The following RTL4 variants were observed in gnomAD, a reference collection of about 807,000 sequenced individuals.
RTL4 encodes the protein retrotransposon Gag-like protein 4.
A neutral mutation model predicts 5.3 loss-of-function variants in RTL4; 4 were observed. The observed-to-expected ratio is 0.75, with a 90% CI of 0.37 to 1.72. RTL4 has a LOEUF of 1.72. RTL4 is among the 40% of genes most tolerant of loss of function. The pLI is 0.04. For synonymous variants in RTL4, 98 were observed against 87.3 expected, an observed-to-expected ratio of 1.12 and a Z score of -0.68; for missense variants, 260 against 227.1, an observed-to-expected ratio of 1.14 and a Z score of -0.93.
chrX:112,289,549 G>A, the RTL4 span, among the ~76,000 whole-genome samples: 2 of 112,092 alleles, frequency 1.8e-5, no homozygotes, highest in South Asian at 7.5e-4. Flanking sequence ...ATGACCTTGG[G>A]CATGTGTATT....
chrX:112,306,333 T>A, the RTL4 span, among the ~76,000 whole-genome samples: 2 of 111,828 alleles, frequency 1.8e-5, no homozygotes, highest in Admixed American at 1.9e-4. Context: ...GTGTGACAAT[T>A]GAGTAACTGG....
At chrX:112,402,104 C>G in the RTL4 span, among the ~76,000 whole-genome samples, 1 of 112,077 alleles carries the variant, frequency 8.9e-6, no homozygotes, top group South Asian at 3.7e-4. Context: ...TCAAGCCTCT[C>G]TTCTTCCATG....
At chrX:112,176,755 T>C in the RTL4 span, among the ~76,000 whole-genome samples, 2 of 111,335 alleles carry the variant, frequency 1.8e-5, no homozygotes, top group Non-Finnish European at 3.8e-5. Context: ...ATTGTACTAT[T>C]GAATACTAAT....
At chrX:112,353,003 C>G in the RTL4 span, among the ~76,000 whole-genome samples, 1 of 111,587 alleles carries the variant, frequency 9.0e-6, no homozygotes, top group African/African-American at 3.3e-5. Context: ...ACAAACAACC[C>G]CATCAAAAAG....
upstream of RTL4, among the ~76,000 whole-genome samples, chrX:112,449,965 G>C (rs1926707059): frequency 8.9e-6 from 1 of 111,967 alleles, no homozygotes; most frequent in South Asian, 3.7e-4. Flanking sequence ...TTGCCCTTCT[G>C]GTCACCCCTT....
the RTL4 span, among the ~76,000 whole-genome samples, chrX:112,111,513 A>C: frequency 8.9e-6 from 1 of 112,725 alleles, no homozygotes; most frequent in African/African-American, 3.2e-5. Flanking sequence ...TGTGGTATTT[A>C]AAGGGGGTTC....
chrX:112,114,549 T>C, the RTL4 span, among the ~76,000 whole-genome samples: 312 of 111,947 alleles, frequency 2.8e-3, 1 homozygote, highest in African/African-American at 8.4e-3. Flanking sequence ...AGGTCTACCC[T>C]GATCTGCTTT....
At chrX:112,422,051 A>C in the RTL4 span, among the ~76,000 whole-genome samples, 3 of 112,322 alleles carry the variant, frequency 2.7e-5, no homozygotes, top group Non-Finnish European at 5.6e-5. Flanking sequence ...TTTGGTAATA[A>C]TATTTTAATA....
At chrX:112,346,825 C>T in the RTL4 span, among the ~76,000 whole-genome samples, 7 of 111,385 alleles carry the variant, frequency 6.3e-5, no homozygotes, top group Non-Finnish European at 1.1e-4. Context: ...GCATGAGAAC[C>T]TATACAAATA....
the RTL4 span, among the ~76,000 whole-genome samples, chrX:112,392,070 C>T: frequency 9.0e-6 from 1 of 111,683 alleles, no homozygotes; most frequent in Non-Finnish European, 1.9e-5. Flanking sequence ...CTTGGGTTGA[C>T]AGTAGCTCGT....
chrX:112,395,782 C>T, the RTL4 span, among the ~76,000 whole-genome samples: 1 of 111,218 alleles, frequency 9.0e-6, no homozygotes, highest in South Asian at 3.8e-4. Flanking sequence ...TTATATTGAG[C>T]CTCTTGGCTG....
the RTL4 span, among the ~76,000 whole-genome samples, chrX:112,350,571 A>G: frequency 9.0e-6 from 1 of 111,489 alleles, no homozygotes; most frequent in South Asian, 3.8e-4. Context: ...AGAGAGATTC[A>G]ACTTCTTCCT....
the RTL4 span, among the ~76,000 whole-genome samples, chrX:112,444,639 A>G: frequency 4.5e-5 from 5 of 111,685 alleles, no homozygotes; most frequent in Admixed American, 3.8e-4. Flanking sequence ...TCAGCAGTAA[A>G]GTCATTGAGT....
At chrX:112,328,331 A>T in the RTL4 span, among the ~76,000 whole-genome samples, 1 of 111,221 alleles carries the variant, frequency 9.0e-6, no homozygotes, top group Non-Finnish European at 1.9e-5. Context: ...GCAAATGGAA[A>T]ACAAAAAAAA....
At chrX:112,146,867 TATC>T in the RTL4 span, among the ~76,000 whole-genome samples, 5 of 105,992 alleles carry the variant, frequency 4.7e-5, no homozygotes, top group Non-Finnish European at 7.7e-5. Flanking sequence ...TTATTATCAC[TATC>T]ATCATCATCA....
At chrX:112,301,491 CTT>C in the RTL4 span, among the ~76,000 whole-genome samples, 4 of 111,089 alleles carry the variant, frequency 3.6e-5, no homozygotes, top group South Asian at 7.6e-4. Context: ...CATTTAAAAA[CTT>C]GGTTTAATAG....
At chrX:112,159,341 G>A in the RTL4 span, among the ~76,000 whole-genome samples, 5 of 112,005 alleles carry the variant, frequency 4.5e-5, no homozygotes, top group South Asian at 1.9e-3. Flanking sequence ...CCACAGGCAG[G>A]ATAGACATGT....
the RTL4 span, among the ~76,000 whole-genome samples, chrX:112,138,059 C>G: frequency 8.9e-6 from 1 of 111,958 alleles, no homozygotes; most frequent in African/African-American, 3.2e-5. Flanking sequence ...TACTATTCAG[C>G]CTTAAAAAAG....
At chrX:112,107,769 T>A in the RTL4 span, among the ~76,000 whole-genome samples, 1 of 111,862 alleles carries the variant, frequency 8.9e-6, no homozygotes, top group Non-Finnish European at 1.9e-5. Context: ...ATGGTTTTAG[T>A]ATAATATGTC....
Sources: allele counts gnomAD v4.1 joint callset (sites outside exome capture counted in the v4.1 genomes callset), GRCh38; gene constraint gnomAD v4.1.1; transcripts MANE v1.5; gene names NCBI Gene and HGNC (gene_info 2026-07-23, HGNC 2026-07-21).